The following ZNF2 variants were observed in gnomAD, a reference collection of about 807,000 sequenced individuals.
The protein encoded by ZNF2 is zinc finger protein 2.2.
In ZNF2, 12 loss-of-function variants were observed where a neutral mutation model predicts 21.9. The observed-to-expected ratio is 0.55, with a 90% CI of 0.35 to 0.89. The LOEUF (loss-of-function observed/expected upper bound fraction) is 0.89. Ranked by LOEUF, ZNF2 falls within the 40% of genes least tolerant of loss-of-function variation. The pLI is 0.01. For missense variants in ZNF2, 462 were observed against 544.2 expected (o/e 0.85, Z 1.50); for synonymous variants, 186 against 196.3 (o/e 0.95, Z 0.44).
Position 95,177,989 on chromosome 2 carries a change from G to A in ZNF2, c.160+380G>A, listed in dbSNP as rs576628933. On this transcript the variant is annotated intron_variant, in intron 3 of 4. Coordinates refer to ENST00000614034, the MANE Select transcript of ZNF2 (RefSeq NM_021088.4). Reference sequence around the variant, plus strand: ...TTCATATGCCCAGTTCTCCCAGTTCGCCAGTTAGGTAACTCAGCTCACCCA... The same window carrying A: ...TTCATATGCCCAGTTCTCCCAGTTCACCAGTTAGGTAACTCAGCTCACCCA... Among the ~76,000 whole-genome samples, 169 of 152,272 alleles carry A rather than the reference G, an allele frequency of 1.1e-3. 1 individual carries two copies. The highest frequency in any genetic ancestry group is 3.7e-3 in the African/African-American group (154 of 41,568).
intron 3 of ZNF2, among the ~76,000 whole-genome samples, chr2:95,178,368 T>C (rs1390509031): frequency 2.6e-5 from 4 of 152,142 alleles, no homozygotes; most frequent in Non-Finnish European, 5.9e-5. Flanking sequence ...AAAAAGTAAG[T>C]GCTAACACCC....
chr2:95,168,308 C>T (rs567452618), intron 1 of ZNF2, among the ~76,000 whole-genome samples: 6 of 152,116 alleles, frequency 3.9e-5, no homozygotes, highest in African/African-American at 9.6e-5. Flanking sequence ...GCCTGTAGTC[C>T]CAGCTACTCA....
At chr2:95,172,624 T>C (rs534980099) in intron 1 of ZNF2, among the ~76,000 whole-genome samples, 1 of 152,126 alleles carries the variant, frequency 6.6e-6, no homozygotes, top group South Asian at 2.1e-4. Context: ...TCAAGTGTTT[T>C]GAATTTCTTT....
Position 95,180,193 on chromosome 2 carries a change from A to G in ZNF2, c.195A>G (p.Gln65=), listed in dbSNP as rs375911690. 161 of 1,614,086 alleles carry G rather than the reference A, an allele frequency of 1.0e-4. No homozygotes were observed. In the African/African-American group the frequency reaches 1.7e-3, roughly 17 times the overall value. The change falls in exon 4 of 5, where the codon CAA becomes CAG. Residue 65 remains glutamine, a synonymous_variant. Transcript: ENST00000614034. ...TTCCTCAACCTGATGTGATTTTCCA[A>G]TTGAAGAGAGGGGACAAGCCGTGGA... ...LPVPQPDVIF[Q]LKRGDKPWMV...
At chr2:95,166,861 G>A (rs1422281201) in intron 1 of ZNF2, among the ~76,000 whole-genome samples, 3 of 152,192 alleles carry the variant, frequency 2.0e-5, no homozygotes, top group African/African-American at 7.2e-5. Flanking sequence ...GGTGATGGTG[G>A]AACGCCTGAT....
At chr2:95,176,109 C>A in intron 1 of ZNF2, 79 bp from the exon 2 acceptor site, 1 of 1,267,102 alleles carries the variant, frequency 7.9e-7, no homozygotes, top group Non-Finnish European at 1.2e-6. Context: ...CTGGTATGTG[C>A]TTCATGGGTC....
chr2:95,180,006 G>A (rs1409197123), intron 3 of ZNF2, among the ~76,000 whole-genome samples, 153 bp from the exon 4 acceptor site: 3 of 152,212 alleles, frequency 2.0e-5, no homozygotes, highest in Non-Finnish European at 4.4e-5. Context: ...GCAGTGAGCC[G>A]AGATCAGGCC....
intron 2 of ZNF2, among the ~76,000 whole-genome samples, chr2:95,176,493 A>G (rs1283272506): frequency 6.6e-6 from 1 of 152,058 alleles, no homozygotes; most frequent in Non-Finnish European, 1.5e-5. Flanking sequence ...CTTCACTGTG[A>G]GTGATTTTGC....
At chr2:95,175,347 G>A (rs1340573938) in intron 1 of ZNF2, among the ~76,000 whole-genome samples, 1 of 152,198 alleles carries the variant, frequency 6.6e-6, no homozygotes, top group Non-Finnish European at 1.5e-5. Flanking sequence ...GGTGCTAGGC[G>A]AGGTGAGGGC....
At chr2:95,168,201 C>A (rs1674149827) in intron 1 of ZNF2, among the ~76,000 whole-genome samples, 3 of 151,588 alleles carry the variant, frequency 2.0e-5, no homozygotes, top group Admixed American at 1.3e-4. Flanking sequence ...CTGAGGCAGG[C>A]AGATCATGAG....
Position 95,182,393 on chromosome 2 carries a change from A to G in ZNF2, c.*287A>G, listed in dbSNP as rs1385465273. 1.6e-5 allele frequency: 5 copies of G among 308,674 alleles called. No homozygotes were observed. Among genetic ancestry groups the G allele is most frequent in the Non-Finnish European group, 2.4e-5 (4 of 167,028 alleles). 19.1% of individuals were successfully genotyped at this position (308,674 alleles called of 1,614,324 possible). A position where few individuals can be genotyped will look rare whatever the true frequency, so the allele number is the denominator to read the frequency against. ...TTGTCTGAGAACCTAGGCCCCAGGTATCACTGCACTTTAAGAAACTGGAGG... is the reference window on the plus strand; with the variant it reads ...TTGTCTGAGAACCTAGGCCCCAGGTGTCACTGCACTTTAAGAAACTGGAGG... On this transcript the variant is annotated 3_prime_UTR_variant, in exon 5 of 5. Transcript: ENST00000614034.
At chr2:95,174,872 G>A (rs1397122868) in intron 1 of ZNF2, among the ~76,000 whole-genome samples, 3 of 152,184 alleles carry the variant, frequency 2.0e-5, no homozygotes, top group Non-Finnish European at 2.9e-5. Flanking sequence ...TGAATAGAAG[G>A]ATGAATGAAT....
chr2:95,176,132 G>C, intron 1 of ZNF2, 56 bp from the exon 2 acceptor site: 1 of 1,473,862 alleles, frequency 6.8e-7, no homozygotes, highest in Non-Finnish European at 9.5e-7. Context: ...AAGACTATGC[G>C]ACAGGACTGG....
Position 95,182,274 on chromosome 2 carries a change from A to T in ZNF2, c.*168A>T, listed in dbSNP as rs571460061. On this transcript the variant is annotated 3_prime_UTR_variant, in exon 5 of 5. Transcript: ENST00000614034. ...CACTCCCTTCCTGCTGTGTTATAGA[A>T]CTGTAGGGGAGGCCATGGAAATGAC... 177 of 803,228 alleles carry T rather than the reference A, an allele frequency of 2.2e-4. No individual in the cohort carries two copies. Among genetic ancestry groups the T allele is most frequent in the Non-Finnish European group, 3.1e-4 (165 of 530,210 alleles). The allele number at this position is 803,228 out of a possible 1,614,324, so 49.8% of individuals were successfully genotyped here.
intron 3 of ZNF2, 91 bp from the exon 4 acceptor site, chr2:95,180,068 A>C (rs946513335): frequency 8.6e-6 from 8 of 931,486 alleles, no homozygotes; most frequent in East Asian, 7.3e-5. Flanking sequence ...ACAACAACAA[A>C]AAAATCTTAG....
chr2:95,169,467 C>T (rs1674197838), intron 1 of ZNF2, among the ~76,000 whole-genome samples: 1 of 152,162 alleles, frequency 6.6e-6, no homozygotes, highest in African/African-American at 2.4e-5. Context: ...AAAATAGCAG[C>T]AACTCGGCCA....
Position 95,176,172 on chromosome 2 carries a change from A to C in ZNF2, c.-39-16A>C. 1 of 1,611,396 alleles carries C rather than the reference A, an allele frequency of 6.2e-7. No individual in the cohort carries two copies. Among genetic ancestry groups the C allele is most frequent in the Non-Finnish European group, 8.5e-7 (1 of 1,177,684 alleles). ...TCTCCTACCTTCTTTCTCACCCCCC[A>C]CTTCTGCCTCATTAGGACTCTGCCC... is the stretch of plus-strand genomic sequence containing the variant. On this transcript the variant is annotated splice_polypyrimidine_tract_variant and intron_variant, in intron 1 of 4. Transcript: ENST00000614034.
intron 1 of ZNF2, among the ~76,000 whole-genome samples, chr2:95,174,195 ATGAGTCATAAAAAGC>A (rs1674368664): frequency 6.6e-6 from 1 of 152,240 alleles, no homozygotes; most frequent in Admixed American, 6.5e-5. Context: ...AGTGTTAATG[ATGAGTCATAAAAAGC>A]TGTGTATATA....
chr2:95,179,780 G>A (rs1210528752), intron 3 of ZNF2, among the ~76,000 whole-genome samples: 2 of 152,254 alleles, frequency 1.3e-5, no homozygotes, highest in African/African-American at 2.4e-5. Context: ...GCTGTGGCCA[G>A]GCTCAGTGGC....
Sources: allele counts gnomAD v4.1 joint callset (sites outside exome capture counted in the v4.1 genomes callset), GRCh38; gene constraint gnomAD v4.1.1; transcripts MANE v1.5; gene names NCBI Gene and HGNC (gene_info 2026-07-23, HGNC 2026-07-21).